The following IRAK4 variants were observed in gnomAD, a reference collection of about 807,000 sequenced individuals.
The protein encoded by IRAK4 is interleukin-1 receptor-associated kinase 4.
Under a neutral mutation model 51.8 loss-of-function variants are expected in IRAK4, and 44 were observed. The observed-to-expected ratio is 0.85, with a 90% CI of 0.67 to 1.09. The LOEUF (loss-of-function observed/expected upper bound fraction) is 1.09. Among genes scored for constraint, IRAK4 ranks in the 50% least tolerant of loss-of-function variants. The probability of loss-of-function intolerance (pLI) is 0.00; values close to 1 mark genes in which losing one functional copy is unlikely to be tolerated. For missense variants in IRAK4, 487 were observed against 538.0 expected (o/e 0.91, Z 0.94); for synonymous variants, 149 against 174.1 (o/e 0.86, Z 1.13).
intron 1 of IRAK4, among the ~76,000 whole-genome samples, chr12:43,764,721 A>G (rs756627556): frequency 4.6e-5 from 7 of 152,194 alleles, no homozygotes; most frequent in Non-Finnish European, 1.0e-4. Context: ...ATGAGAGAAA[A>G]GAGCAGGGGC....
intron 10 of IRAK4, among the ~76,000 whole-genome samples, chr12:43,784,579 A>C (rs563691384): frequency 6.6e-6 from 1 of 152,346 alleles, no homozygotes; most frequent in Admixed American, 6.5e-5. Flanking sequence ...CATATACTTT[A>C]CCTAAGTTTT....
rs1350024645 is a variant in IRAK4, at chr12:43,786,976, T to G, written c.*261T>G. The G allele has an allele frequency of 1.4e-5, 7 of 495,088 alleles. No individual in the cohort carries two copies. The Admixed American group carries it at 2.6e-4, about 18-fold the overall frequency. The allele number at this position is 495,088 out of a possible 1,614,324, so 30.7% of individuals were successfully genotyped here. A position where few individuals can be genotyped will look rare whatever the true frequency, so the allele number is the denominator to read the frequency against. Reference sequence around the variant, plus strand: ...CCTTCAAGCATCACCAAACACAGTTTGAAAATTACAGGGTTAGCAAAAAGA... The same window carrying G: ...CCTTCAAGCATCACCAAACACAGTTGGAAAATTACAGGGTTAGCAAAAAGA... On this transcript the variant is annotated 3_prime_UTR_variant, in exon 12 of 12. Transcript: ENST00000613694.
intron 6 of IRAK4, among the ~76,000 whole-genome samples, chr12:43,775,786 A>G (rs1351816138): frequency 6.6e-6 from 1 of 151,776 alleles, no homozygotes; most frequent in Non-Finnish European, 1.5e-5. Flanking sequence ...CTAAATACAC[A>G]TTCAAATGGC....
At chr12:43,763,784 G>T (rs1318574438) in intron 1 of IRAK4, among the ~76,000 whole-genome samples, 2 of 138,762 alleles carry the variant, frequency 1.4e-5, no homozygotes, top group Admixed American at 7.8e-5. Flanking sequence ...ATCTGTTTTT[G>T]CCATTCACTC....
At chr12:43,785,608 G>GTA (rs202059885) in intron 10 of IRAK4, among the ~76,000 whole-genome samples, 70 of 145,972 alleles carry the variant, frequency 4.8e-4, no homozygotes, top group African/African-American at 1.5e-3. Flanking sequence ...ATATACATTT[G>GTA]TATATATATA....
At chr12:43,767,659 A>G (rs1271235037) in intron 1 of IRAK4, among the ~76,000 whole-genome samples, 1 of 152,136 alleles carries the variant, frequency 6.6e-6, no homozygotes, top group African/African-American at 2.4e-5. Flanking sequence ...CTTCTACCAA[A>G]GAATGTTGCA....
At position 43,768,083 on chromosome 12, in the gene IRAK4, G is replaced by T. The variant is rs1309597856; in HGVS notation, c.-9-20G>T. On this transcript the variant is annotated intron_variant, in intron 1 of 11. Transcript: ENST00000613694. ...TCTAAAAGTACTGTAAAATTTTAAT[G>T]AGATTTTTCCATATTTTAGGAATAG... 6.3e-7 allele frequency: 1 copy of T among 1,594,786 alleles called. No homozygotes were observed. Among genetic ancestry groups the T allele is most frequent in the Admixed American group, 1.7e-5 (1 of 59,730 alleles).
At chr12:43,782,945 A>G (rs1000785770) in intron 9 of IRAK4, among the ~76,000 whole-genome samples, 7 of 152,220 alleles carry the variant, frequency 4.6e-5, no homozygotes, top group African/African-American at 1.4e-4. Flanking sequence ...TAGCACTGAA[A>G]ATAAGGCATA....
At chr12:43,774,306 A>G (rs942370604) in intron 6 of IRAK4, among the ~76,000 whole-genome samples, 1 of 152,100 alleles carries the variant, frequency 6.6e-6, no homozygotes, top group African/African-American at 2.4e-5. Context: ...GTGCAGTGGC[A>G]TGATCTCGGC....
intron 7 of IRAK4, 143 bp downstream of exon 7, chr12:43,777,887 A>G: frequency 1.3e-6 from 1 of 756,622 alleles, no homozygotes; most frequent in Non-Finnish European, 2.3e-6. Flanking sequence ...ATATGTCAAC[A>G]AATTATACAG....
At chr12:43,777,608 C>G (rs373959211) in intron 6 of IRAK4, 22 bp from the exon 7 acceptor site, 1 of 1,586,060 alleles carries the variant, frequency 6.3e-7, no homozygotes, top group Non-Finnish European at 8.6e-7. Context: ...AATAATTTTG[C>G]ATGAAAAATT....
Position 43,772,908 on chromosome 12 carries a change from A to G in IRAK4, c.491-4A>G, listed in dbSNP as rs758774758. 5.0e-6 allele frequency: 8 copies of G among 1,597,832 alleles called. 1 individual carries two copies. Among genetic ancestry groups the G allele is most frequent in the Admixed American group, 3.4e-5 (2 of 59,458 alleles). On this transcript the variant is annotated splice_polypyrimidine_tract_variant and splice_region_variant and intron_variant, in intron 4 of 11. Coordinates refer to ENST00000613694, the MANE Select transcript of IRAK4 (RefSeq NM_016123.4). ...TTAAGCATGTTTTTCTTATTTTGAC[A>G]TAGGTTTTCACAGTTTTTCATTTTA...
chr12:43,763,024 C>A (rs928791424), intron 1 of IRAK4, among the ~76,000 whole-genome samples: 10 of 152,182 alleles, frequency 6.6e-5, no homozygotes, highest in Admixed American at 3.9e-4. Context: ...GTCTTAAACC[C>A]TTAACACCAA....
intron 7 of IRAK4, 81 bp downstream of exon 7, chr12:43,777,825 T>G: frequency 8.6e-7 from 1 of 1,159,232 alleles, no homozygotes; most frequent in Non-Finnish European, 1.3e-6. Flanking sequence ...CTGGATTATT[T>G]AAACCAAATT....
intron 10 of IRAK4, among the ~76,000 whole-genome samples, chr12:43,784,093 C>A (rs1009927022): frequency 6.6e-6 from 1 of 152,088 alleles, no homozygotes; most frequent in South Asian, 2.1e-4. Flanking sequence ...GGCTTCCATT[C>A]AAATTTCTTT....
intron 8 of IRAK4, 142 bp from the exon 9 acceptor site, chr12:43,782,165 A>C (rs1479595302): frequency 3.1e-6 from 2 of 648,938 alleles, no homozygotes; most frequent in African/African-American, 1.8e-5. Flanking sequence ...ATAAAACGTT[A>C]CACTCTGTAA....
rs1013807517 is a variant in IRAK4 at position 43,773,196 on chromosome 12, T to C, written c.651+124T>C. On this transcript the variant is annotated intron_variant, in intron 5 of 11. Transcript: ENST00000613694. Reference sequence around the variant, plus strand: ...TGTATTTTCTTTAAATAAACATCATTCTAAATAGTAGTTCTTAAAATTTTA... The same window carrying C: ...TGTATTTTCTTTAAATAAACATCATCCTAAATAGTAGTTCTTAAAATTTTA... 2.5e-5 allele frequency: 23 copies of C among 923,568 alleles called. No individual in the cohort carries two copies. The African/African-American group carries it at 3.3e-4, about 13-fold the overall frequency. 57.2% of individuals were successfully genotyped at this position (923,568 alleles called of 1,614,324 possible).
intron 10 of IRAK4, among the ~76,000 whole-genome samples, chr12:43,786,129 G>A (rs1942193907): frequency 6.6e-6 from 1 of 151,312 alleles, no homozygotes; most frequent in South Asian, 2.1e-4. Context: ...TGCCTCCTGG[G>A]TTCAAACGAT....
At chr12:43,764,830 C>G (rs1272844339) in intron 1 of IRAK4, among the ~76,000 whole-genome samples, 1 of 152,204 alleles carries the variant, frequency 6.6e-6, no homozygotes, top group Non-Finnish European at 1.5e-5. Flanking sequence ...TTTAGAAACA[C>G]TTAGAAAAGC....
Sources: gnomAD v4.1 joint callset for allele counts (sites outside exome capture counted in the v4.1 genomes callset) on GRCh38, gnomAD v4.1.1 for gene constraint, MANE v1.5 for transcripts, NCBI Gene and HGNC (gene_info 2026-07-23, HGNC 2026-07-21) for gene names.